Variants in BRINP2 observed in about 807,000 individuals in gnomAD.
BRINP2 encodes the protein BMP/retinoic acid inducible neural specific 2.
BRINP2 carries 21 observed loss-of-function variants against 69.2 expected under a neutral mutation model. The ratio of observed to expected loss-of-function variants is 0.30; its 90% CI spans 0.22 to 0.44. The LOEUF is 0.44. Ranked by LOEUF, BRINP2 falls within the 20% of genes least tolerant of loss-of-function variation. BRINP2 has a pLI of 1.00. For synonymous variants in BRINP2, 380 were observed against 394.1 expected, an observed-to-expected ratio of 0.96 and a Z score of 0.42; for missense variants, 877 against 986.0, an observed-to-expected ratio of 0.89 and a Z score of 1.48.
intron 1 of BRINP2, among the ~76,000 whole-genome samples, chr1:177,177,267 C>A (rs186447655): frequency 1.1e-4 from 17 of 151,524 alleles, no homozygotes; most frequent in South Asian, 6.3e-4. Flanking sequence ...GGCAACAGAG[C>A]GAGACTCTTT....
At chr1:177,219,761 T>C (rs1448760457) in intron 1 of BRINP2, among the ~76,000 whole-genome samples, 2 of 151,232 alleles carry the variant, frequency 1.3e-5, no homozygotes, top group Non-Finnish European at 3.0e-5. Context: ...TAATGGAGAG[T>C]TGCTTATCAG....
chr1:177,235,156 C>T (rs1010250068), intron 2 of BRINP2, among the ~76,000 whole-genome samples: 3 of 152,160 alleles, frequency 2.0e-5, no homozygotes, highest in Non-Finnish European at 2.9e-5. Context: ...AAATCCAGAA[C>T]GTCAGGCCTC....
chr1:177,189,076 G>T (rs928577375), intron 1 of BRINP2, among the ~76,000 whole-genome samples: 9 of 152,150 alleles, frequency 5.9e-5, no homozygotes, highest in Non-Finnish European at 1.3e-4. Flanking sequence ...AGAGACACAC[G>T]TAATGTCTTT....
intron 1 of BRINP2, among the ~76,000 whole-genome samples, chr1:177,212,996 G>A (rs12074160): frequency 0.19 from 29,160 of 152,108 alleles, 3,134 homozygotes; most frequent in Middle Eastern, 0.24. Context: ...TTAATAAATA[G>A]ATATTTTCTA....
At chr1:177,181,736 TCTTG>T (rs1206084294) in intron 1 of BRINP2, among the ~76,000 whole-genome samples, 1 of 151,328 alleles carries the variant, frequency 6.6e-6, no homozygotes, top group African/African-American at 2.4e-5. Context: ...GCTGGCGGGG[TCTTG>T]GGAGGCGCCC....
rs765482953 is a variant in BRINP2 at position 177,281,161 on chromosome 1, A to T, written c.1985A>T (p.Tyr662Phe). Residue 662 changes from tyrosine to phenylalanine, a missense_variant, in exon 8 of 8, where the codon TAC becomes TTC. By Grantham distance (22) the Tyr-to-Phe change is conservative. Transcript: ENST00000361539. ...GATGACAGCTCCAATGAGACAATCT[A>T]CTATGAGCCCCTGGAGATGACTGAT... ...SLDDSSNETIYYEPLEMTDPS... is the reference protein window; with the variant it reads ...SLDDSSNETIFYEPLEMTDPS... The T allele has an allele frequency of 1.5e-5, 25 of 1,614,116 alleles. No homozygotes were observed. The Admixed American group carries it at 2.0e-4, about 13-fold the overall frequency.
At chr1:177,186,401 C>T (rs66778594) in intron 1 of BRINP2, among the ~76,000 whole-genome samples, 33,769 of 151,934 alleles carry the variant, frequency 0.22, 6,684 homozygotes, top group African/African-American at 0.53. Context: ...TTTTTTGCTA[C>T]TGAAAGTAAC....
chr1:177,204,670 CTCTT>C (rs369681058), intron 1 of BRINP2, among the ~76,000 whole-genome samples: 122 of 152,252 alleles, frequency 8.0e-4, no homozygotes, highest in African/African-American at 2.7e-3. Flanking sequence ...CCATCTGAAA[CTCTT>C]TCTCTTTTCT....
At chr1:177,264,414 T>G (rs1301631586) in intron 4 of BRINP2, among the ~76,000 whole-genome samples, 1 of 152,164 alleles carries the variant, frequency 6.6e-6, no homozygotes, top group African/African-American at 2.4e-5. Context: ...AAGGATGCCC[T>G]CTCTCACCAC....
chr1:177,225,687 A>G (rs1341081637), intron 1 of BRINP2, among the ~76,000 whole-genome samples: 1 of 152,218 alleles, frequency 6.6e-6, no homozygotes, highest in East Asian at 1.9e-4. Flanking sequence ...TGTTCCCCTT[A>G]AAAAGCCTGA....
chr1:177,270,092 G>GCA (rs1454527743), intron 4 of BRINP2, among the ~76,000 whole-genome samples: 5 of 137,402 alleles, frequency 3.6e-5, no homozygotes, highest in Non-Finnish European at 7.7e-5. Flanking sequence ...TGGGGGGGGT[G>GCA]GTTCTCAAGC....
At chr1:177,229,707 T>G in intron 1 of BRINP2, 94 bp from the exon 2 acceptor site, 1 of 846,518 alleles carries the variant, frequency 1.2e-6, no homozygotes, top group Non-Finnish European at 1.7e-6. Flanking sequence ...GCATAAAGGA[T>G]TTCCGGAATG....
intron 2 of BRINP2, among the ~76,000 whole-genome samples, chr1:177,254,404 ACAC>A (rs1650686737): frequency 6.7e-6 from 1 of 149,954 alleles, no homozygotes; most frequent in South Asian, 2.1e-4. Flanking sequence ...ACACACACAC[ACAC>A]ACTATCTTCA....
intron 2 of BRINP2, among the ~76,000 whole-genome samples, chr1:177,248,626 T>C (rs1035116155): frequency 3.9e-5 from 6 of 152,122 alleles, no homozygotes; most frequent in African/African-American, 1.4e-4. Flanking sequence ...AAACTGGTGC[T>C]TCTGTGTGCA....
intron 1 of BRINP2, among the ~76,000 whole-genome samples, chr1:177,186,642 C>G (rs1048525048): frequency 6.6e-6 from 1 of 152,070 alleles, no homozygotes; most frequent in Non-Finnish European, 1.5e-5. Flanking sequence ...AAACTCTTGG[C>G]TTCCAGATCC....
At chr1:177,272,305 G>T (rs1651352106) in intron 4 of BRINP2, among the ~76,000 whole-genome samples, 1 of 152,174 alleles carries the variant, frequency 6.6e-6, no homozygotes, top group African/African-American at 2.4e-5. Context: ...GCACCTACCT[G>T]CCCCACAGGG....
At position 177,212,019 on chromosome 1, in the gene BRINP2, T is replaced by TCTAC. The variant is rs796764277; in HGVS notation, c.-76-17770_-76-17767dup. 1.1e-4 allele frequency among the ~76,000 whole-genome samples: 16 copies of TCTAC among 152,294 alleles called. No individual in the cohort carries two copies. In the East Asian group the frequency reaches 2.5e-3, roughly 24 times the overall value. On this transcript the variant is annotated intron_variant, in intron 1 of 7. Transcript: ENST00000361539. ...TTCTCTGTTTGAGTATATCAATCAA[T>TCTAC]CTACCTACCTACCTATGTGCCATCT...
chr1:177,267,668 T>C (rs1176179569), intron 4 of BRINP2, among the ~76,000 whole-genome samples: 1 of 152,252 alleles, frequency 6.6e-6, no homozygotes, highest in East Asian at 1.9e-4. Flanking sequence ...GTTCAAAGTC[T>C]ACCCTTAGTT....
At chr1:177,179,972 C>T (rs575498782) in intron 1 of BRINP2, among the ~76,000 whole-genome samples, 15 of 152,244 alleles carry the variant, frequency 9.9e-5, no homozygotes, top group Admixed American at 2.0e-4. Context: ...CCCGTATATA[C>T]ACATGCATGC....
Sources: gnomAD v4.1 joint callset for allele counts (sites outside exome capture counted in the v4.1 genomes callset) on GRCh38, gnomAD v4.1.1 for gene constraint, MANE v1.5 for transcripts, NCBI Gene and HGNC (gene_info 2026-07-23, HGNC 2026-07-21) for gene names.